BTD: variants seen among roughly 807,000 people sequenced by gnomAD.
BTD encodes the protein biotinidase.
Under a neutral mutation model 17.7 loss-of-function variants are expected in BTD, and 13 were observed. The observed-to-expected ratio is 0.74, with a 90% CI of 0.48 to 1.17. The LOEUF is 1.17. BTD is among the 50% of genes most tolerant of loss of function. The pLI, the probability that BTD is intolerant of heterozygous loss-of-function variation, is 0.00. For synonymous variants in BTD, 240 were observed against 245.2 expected (o/e 0.98, Z 0.20); for missense variants, 674 against 650.4 (o/e 1.04, Z -0.39).
At chr3:15,675,380 G>A (rs1226300813) in intron 3 of BTD, among the ~76,000 whole-genome samples, 2 of 152,198 alleles carry the variant, frequency 1.3e-5, no homozygotes, top group East Asian at 3.8e-4. Flanking sequence ...TATGGCAGTA[G>A]CTGGCAGGAG....
At chr3:15,722,014 C>T (rs766655753) in exon 5 of BTD, among the ~76,000 whole-genome samples, 1 of 152,032 alleles carries the variant, frequency 6.6e-6, no homozygotes, top group Non-Finnish European at 1.5e-5. Context: ...CAAAGTGCTG[C>T]GATTACAGGC....
chr3:15,623,510 G>A (rs1382914361), intron 1 of BTD, among the ~76,000 whole-genome samples: 5 of 152,188 alleles, frequency 3.3e-5, no homozygotes, highest in Middle Eastern at 3.4e-3. Context: ...CTGAGTTTTG[G>A]TGTTTTAATT....
intron 2 of BTD, among the ~76,000 whole-genome samples, chr3:15,639,582 A>G (rs1364455458): frequency 6.6e-6 from 1 of 152,210 alleles, no homozygotes. Flanking sequence ...GCAAAGTCAA[A>G]CGGTGGTACA....
rs1006990017 is a variant in BTD at position 15,606,026 on chromosome 3, G to A, written c.-17+4132G>A. 1.1e-3 allele frequency among the ~76,000 whole-genome samples: 144 copies of A among 128,938 alleles called. 4 individuals are homozygous for A. In the Admixed American group the frequency reaches 0.013, roughly 11 times the overall value. 84.6% of individuals were successfully genotyped at this position (128,938 alleles called of 152,430 possible). On this transcript the variant is annotated intron_variant, in intron 1 of 3. Coordinates refer to ENST00000643237, the MANE Select transcript of BTD (RefSeq NM_001370658.1). ...CCACTGTACTCTAGCCTGGGTGACAGAGCGAGACCCTGTCTCAAAAAAAAA... is the reference window on the plus strand; with the variant it reads ...CCACTGTACTCTAGCCTGGGTGACAAAGCGAGACCCTGTCTCAAAAAAAAA...
At chr3:15,714,692 T>C (rs1450752410), downstream of BTD, 28 of 1,460,918 alleles carry the variant, frequency 1.9e-5, no homozygotes, top group Non-Finnish European at 2.5e-5. Context: ...CACTCTACTA[T>C]ATCCATAATG....
At chr3:15,679,135 C>CT (rs71809219) in intron 3 of BTD, among the ~76,000 whole-genome samples, 3,815 of 143,798 alleles carry the variant, frequency 0.027, 144 homozygotes, top group African/African-American at 0.084. Flanking sequence ...TCATCATGCA[C>CT]TTTTTTTTTT....
Position 15,689,830 on chromosome 3 carries a change from A to C in BTD, c.400-20230A>C, listed in dbSNP as rs369597442. Reference sequence around the variant, plus strand: ...ACTGGGATACTCCTAATGTTTATGAATGACGGAGGCTTTGTAAATTCATTT... The same window carrying C: ...ACTGGGATACTCCTAATGTTTATGACTGACGGAGGCTTTGTAAATTCATTT... On this transcript the variant is annotated intron_variant, in intron 3 of 3. Coordinates refer to the BTD transcript ENST00000672141. 8 of 579,816 alleles carry C rather than the reference A, an allele frequency of 1.4e-5. No individual in the cohort carries two copies. In the East Asian group the frequency reaches 2.3e-4, roughly 17 times the overall value. The allele number at this position is 579,816 out of a possible 1,614,324, so 35.9% of individuals were successfully genotyped here.
intron 2 of BTD, among the ~76,000 whole-genome samples, chr3:15,637,779 C>A (rs2125464563): frequency 6.6e-6 from 1 of 152,352 alleles, no homozygotes; most frequent in East Asian, 1.9e-4. Context: ...CCGGACCATT[C>A]TGAGACATTT....
downstream of BTD, among the ~76,000 whole-genome samples, chr3:15,716,180 C>T (rs1051421418): frequency 2.0e-5 from 3 of 151,618 alleles, no homozygotes; most frequent in African/African-American, 7.3e-5. Context: ...TGGGGTTTCA[C>T]CATGTTGGCC....
rs1264342924 is a variant in BTD at position 15,650,392 on chromosome 3, C to T, written c.*4904C>T. Among the ~76,000 whole-genome samples, 1 of 151,710 alleles carries T rather than the reference C, an allele frequency of 6.6e-6. No homozygotes were observed. The highest frequency in any genetic ancestry group is 1.5e-5 in the Non-Finnish European group (1 of 67,982). On this transcript the variant is annotated 3_prime_UTR_variant, in exon 4 of 4. Transcript: ENST00000643237. ...TAATTTTTTGTAGATAACTTTTCTT[C>T]TCATTTTCCTTCTCATTCTCTTCAT...
exon 4 of BTD, among the ~76,000 whole-genome samples, chr3:15,710,852 A>C (rs916268475): frequency 4.6e-5 from 7 of 152,192 alleles, no homozygotes; most frequent in Non-Finnish European, 8.8e-5. Flanking sequence ...AAAAATTAAC[A>C]AATCTACTTA....
chr3:15,616,822 T>C (rs567296815), intron 1 of BTD, among the ~76,000 whole-genome samples: 1 of 152,264 alleles, frequency 6.6e-6, no homozygotes, highest in East Asian at 1.9e-4. Flanking sequence ...TTCAGATCTT[T>C]TGCTTATTTT....
At chr3:15,616,869 G>C (rs1381003868) in intron 1 of BTD, among the ~76,000 whole-genome samples, 1 of 151,788 alleles carries the variant, frequency 6.6e-6, no homozygotes, top group Non-Finnish European at 1.5e-5. Flanking sequence ...GTCTCACTCT[G>C]TCACCCAGGC....
intron 1 of BTD, chr3:15,606,334 A>G (rs1446868863): frequency 1.3e-5 from 2 of 152,224 alleles, no homozygotes; most frequent in Admixed American, 6.5e-5. Flanking sequence ...TTTGCAGCCC[A>G]GAGTTGAGAA....
chr3:15,630,302 C>T (rs1382426232), intron 1 of BTD, among the ~76,000 whole-genome samples: 1 of 152,180 alleles, frequency 6.6e-6, no homozygotes, highest in African/African-American at 2.4e-5. Flanking sequence ...CATGCGTAGC[C>T]ACTTGGGTTA....
At chr3:15,709,587 T>A in intron 3 of BTD, 1 of 956,680 alleles carries the variant, frequency 1.0e-6, no homozygotes, top group Non-Finnish European at 1.6e-6. Context: ...ATTGTTCAGT[T>A]AATTTTCAGA....
Position 15,680,603 on chromosome 3 carries a change from TA to T in BTD, c.400-29450del, listed in dbSNP as rs549935194. On this transcript the variant is annotated intron_variant, in intron 3 of 3. Coordinates refer to the BTD transcript ENST00000672141. Reference sequence around the variant, plus strand: ...ATGGATTTTAAAGTGATTGCTAGTTTAAAAAAATTCTTCATGATATTATCAA... The same window carrying T: ...ATGGATTTTAAAGTGATTGCTAGTTTAAAAAATTCTTCATGATATTATCAA... 3.2e-3 allele frequency among the ~76,000 whole-genome samples: 488 copies of T among 152,296 alleles called. 1 individual carries two copies. Among genetic ancestry groups the T allele is most frequent in the Non-Finnish European group, 5.7e-3 (387 of 68,018 alleles).
chr3:15,604,192 A>G (rs2064370503), intron 1 of BTD, among the ~76,000 whole-genome samples: 1 of 152,238 alleles, frequency 6.6e-6, no homozygotes, highest in South Asian at 2.1e-4. Flanking sequence ...CCCTGCAACA[A>G]GCTTCTGCCT....
At chr3:15,630,858 T>G (rs2065187232) in intron 1 of BTD, among the ~76,000 whole-genome samples, 1 of 152,160 alleles carries the variant, frequency 6.6e-6, no homozygotes, top group South Asian at 2.1e-4. Context: ...GTGGGTGGGT[T>G]TAAACAAAGC....
Sources: gnomAD v4.1 joint callset for allele counts (sites outside exome capture counted in the v4.1 genomes callset) on GRCh38, gnomAD v4.1.1 for gene constraint, MANE v1.5 for transcripts, NCBI Gene and HGNC (gene_info 2026-07-23, HGNC 2026-07-21) for gene names.